Variants in RPTOR observed in about 807,000 individuals in gnomAD.
RPTOR encodes regulatory-associated protein of mTOR.
Under a neutral mutation model 169.9 loss-of-function variants are expected in RPTOR, and 21 were observed. That is an observed-to-expected ratio of 0.12 (90% CI 0.09 to 0.18). The LOEUF (loss-of-function observed/expected upper bound fraction) is 0.18. Ranked by LOEUF, RPTOR falls within the 10% of genes least tolerant of loss-of-function variation. The pLI, the probability that RPTOR is intolerant of heterozygous loss-of-function variation, is 1.00. For synonymous variants in RPTOR, 732 were observed against 753.2 expected, an observed-to-expected ratio of 0.97 and a Z score of 0.46; for missense variants, 1,133 against 1,855.9, an observed-to-expected ratio of 0.61 and a Z score of 7.16.
chr17:80,894,091 G>T (rs932144586), intron 20 of RPTOR, among the ~76,000 whole-genome samples: 3 of 151,958 alleles, frequency 2.0e-5, no homozygotes, highest in African/African-American at 4.8e-5. Flanking sequence ...AGGCTGCTCC[G>T]GAGCCATCGG....
intron 19 of RPTOR, among the ~76,000 whole-genome samples, chr17:80,893,290 G>A (rs2068350765): frequency 6.7e-6 from 1 of 148,696 alleles, no homozygotes; most frequent in Non-Finnish European, 1.5e-5. Flanking sequence ...CAGGGTGTGT[G>A]TGCGCCGGGT....
intron 3 of RPTOR, among the ~76,000 whole-genome samples, chr17:80,704,979 G>A (rs887815476): frequency 3.9e-5 from 6 of 152,260 alleles, no homozygotes; most frequent in East Asian, 3.8e-4. Flanking sequence ...ATTGGCCACC[G>A]CATGGCTGGG....
intron 3 of RPTOR, among the ~76,000 whole-genome samples, chr17:80,684,408 A>G (rs773293564): frequency 0.019 from 60 of 3,190 alleles, no homozygotes; most frequent in African/African-American, 0.032. Flanking sequence ...ATACATGTTT[A>G]TTTATTTATT....
At chr17:80,650,637 G>C (rs2065632799) in intron 3 of RPTOR, among the ~76,000 whole-genome samples, 1 of 152,228 alleles carries the variant, frequency 6.6e-6, no homozygotes, top group Non-Finnish European at 1.5e-5. Flanking sequence ...GCAAATGAGA[G>C]TTAATGGACA....
At chr17:80,925,313 T>C in intron 23 of RPTOR, 57 bp from the exon 24 acceptor site, 1 of 1,450,712 alleles carries the variant, frequency 6.9e-7, no homozygotes, top group Non-Finnish European at 9.6e-7. Context: ...AGCTCAGGAG[T>C]GGCATGACTG....
intron 6 of RPTOR, among the ~76,000 whole-genome samples, chr17:80,783,641 C>T (rs943628965): frequency 6.6e-6 from 1 of 152,244 alleles, no homozygotes; most frequent in East Asian, 1.9e-4. Context: ...AGGGGCTCCT[C>T]CGATATCCAG....
chr17:80,953,638 G>A (rs1021746439), intron 28 of RPTOR, among the ~76,000 whole-genome samples: 1 of 152,220 alleles, frequency 6.6e-6, no homozygotes, highest in Non-Finnish European at 1.5e-5. Flanking sequence ...TGTCCTCCTC[G>A]GTCACCCAGA....
Position 80,774,274 on chromosome 17 carries a change from C to T in RPTOR, c.831-17176C>T, listed in dbSNP as rs188641971. 7.2e-5 allele frequency: 71 copies of T among 985,420 alleles called. No individual in the cohort carries two copies. The South Asian group carries it at 7.5e-4, about 10-fold the overall frequency. The allele number at this position is 985,420 out of a possible 1,614,324, so 61.0% of individuals were successfully genotyped here. On this transcript the variant is annotated intron_variant, in intron 6 of 33. Transcript: ENST00000306801. ...TGCTCACGCTCCGGTGTGACACAGA[C>T]GGCGCGGGAGCTGCACGGGAGAGTG...
chr17:80,672,216 A>C (rs2065827096), intron 3 of RPTOR, among the ~76,000 whole-genome samples: 1 of 152,184 alleles, frequency 6.6e-6, no homozygotes, highest in Non-Finnish European at 1.5e-5. Flanking sequence ...TGAGAGTTAC[A>C]GGGGAGAGGA....
chr17:80,634,902 T>C (rs908508326), intron 2 of RPTOR, among the ~76,000 whole-genome samples: 4 of 152,010 alleles, frequency 2.6e-5, no homozygotes, highest in African/African-American at 7.3e-5. Flanking sequence ...GTGCATAGTG[T>C]GTGCGTGTGC....
intron 1 of RPTOR, among the ~76,000 whole-genome samples, chr17:80,570,883 G>C (rs772920007): frequency 6.6e-6 from 1 of 152,192 alleles, no homozygotes; most frequent in Non-Finnish European, 1.5e-5. Context: ...TAATATTTAA[G>C]ATTACATTGG....
intron 23 of RPTOR, among the ~76,000 whole-genome samples, chr17:80,924,397 G>C (rs189996882): frequency 6.6e-6 from 1 of 152,112 alleles, no homozygotes; most frequent in Non-Finnish European, 1.5e-5. Flanking sequence ...TCCGGGGCTC[G>C]CTTGGTAATC....
At chr17:80,598,882 T>TTCTGTCTA (rs752610583) in intron 1 of RPTOR, among the ~76,000 whole-genome samples, 1 of 146,758 alleles carries the variant, frequency 6.8e-6, no homozygotes, top group Non-Finnish European at 1.5e-5. Flanking sequence ...TCTTGATTCT[T>TTCTGTCTA]TCTATCTATC....
chr17:80,777,493 T>A (rs2066902814), intron 6 of RPTOR, among the ~76,000 whole-genome samples: 2 of 152,046 alleles, frequency 1.3e-5, no homozygotes, highest in Admixed American at 1.3e-4. Flanking sequence ...GCTTTGCATC[T>A]CCCTAACGAC....
intron 25 of RPTOR, chr17:80,941,190 TAG>T (rs1321558110): frequency 6.5e-6 from 1 of 152,946 alleles, no homozygotes; most frequent in Non-Finnish European, 1.5e-5. Flanking sequence ...GATTTGCCAC[TAG>T]ATGCCAAATC....
At chr17:80,634,228 G>GCGTGCA (rs1567830281) in intron 2 of RPTOR, among the ~76,000 whole-genome samples, 37 of 129,408 alleles carry the variant, frequency 2.9e-4, no homozygotes, top group African/African-American at 1.1e-3. Flanking sequence ...GTGCGTGTGT[G>GCGTGCA]TACTGTGTGT....
At chr17:80,899,702 T>C (rs2068451589) in intron 20 of RPTOR, among the ~76,000 whole-genome samples, 1 of 152,238 alleles carries the variant, frequency 6.6e-6, no homozygotes, top group Admixed American at 6.5e-5. Flanking sequence ...AGAGACCGCG[T>C]GTAGGTGAAT....
At chr17:80,686,953 C>T (rs1010507352) in intron 3 of RPTOR, among the ~76,000 whole-genome samples, 2 of 150,136 alleles carry the variant, frequency 1.3e-5, no homozygotes, top group Non-Finnish European at 3.0e-5. Context: ...CTATCAGTTC[C>T]AGTCAGAGCT....
intron 20 of RPTOR, among the ~76,000 whole-genome samples, chr17:80,896,215 A>T (rs1394402092): frequency 6.6e-6 from 1 of 151,518 alleles, no homozygotes; most frequent in Non-Finnish European, 1.5e-5. Context: ...TTTTTTCTTT[A>T]TGCCACCCCA....
Sources: allele counts gnomAD v4.1 joint callset (sites outside exome capture counted in the v4.1 genomes callset), GRCh38; gene constraint gnomAD v4.1.1; transcripts MANE v1.5; gene names NCBI Gene and HGNC (gene_info 2026-07-23, HGNC 2026-07-21).